The following NTRK2 variants were observed in gnomAD, a reference collection of about 807,000 sequenced individuals.
The protein encoded by NTRK2 is BDNF/NT-3 growth factors receptor.
A neutral mutation model predicts 94.5 loss-of-function variants in NTRK2; 13 were observed. The observed-to-expected ratio is 0.14, with a 90% CI of 0.09 to 0.22. The LOEUF is 0.22. Among genes scored for constraint, NTRK2 ranks in the 10% least tolerant of loss-of-function variants. NTRK2 has a pLI of 1.00. For missense variants in NTRK2, 639 were observed against 1,071.2 expected (o/e 0.60, Z 5.63); for synonymous variants, 372 against 407.4 (o/e 0.91, Z 1.05).
At chr9:84,961,295 T>C (rs1471463527) in intron 17 of NTRK2, among the ~76,000 whole-genome samples, 1 of 152,220 alleles carries the variant, frequency 6.6e-6, no homozygotes. Flanking sequence ...ACTTAGACAA[T>C]AATTCTTAGC....
At chr9:84,977,010 T>TCACAATGTAGTA (rs1347716975) in intron 17 of NTRK2, among the ~76,000 whole-genome samples, 2 of 152,238 alleles carry the variant, frequency 1.3e-5, no homozygotes, top group Non-Finnish European at 2.9e-5. Flanking sequence ...CAGTGGTTAT[T>TCACAATGTAGTA]TTCTATAAAG....
At chr9:84,863,477 T>C (rs2075427906) in intron 13 of NTRK2, among the ~76,000 whole-genome samples, 1 of 152,218 alleles carries the variant, frequency 6.6e-6, no homozygotes, top group Admixed American at 6.5e-5. Flanking sequence ...ATGAATTTCG[T>C]TTAACACACG....
chr9:84,702,121 T>G (rs781626431), intron 2 of NTRK2, 38 bp from the exon 3 acceptor site: 2 of 1,591,980 alleles, frequency 1.3e-6, no homozygotes, highest in South Asian at 2.2e-5. Context: ...GCTGCCTACA[T>G]TCTGAGTCAC....
intron 9 of NTRK2, among the ~76,000 whole-genome samples, chr9:84,733,028 TC>T (rs1037546450): frequency 1.3e-5 from 2 of 152,140 alleles, no homozygotes; most frequent in African/African-American, 4.8e-5. Flanking sequence ...TAGTCTCTTG[TC>T]CCCTAGGTGT....
At chr9:84,980,323 A>G (rs529978600) in intron 17 of NTRK2, among the ~76,000 whole-genome samples, 1 of 152,324 alleles carries the variant, frequency 6.6e-6, no homozygotes, top group South Asian at 2.1e-4. Context: ...CTGTGCAGAG[A>G]GCATGATTGT....
In NTRK2 at chr9:85,023,918, G is replaced by T. The variant is rs1290184765; in HGVS notation, c.*2481G>T. ...TAAGGGATCAAATTCAAGGAGGAAT[G>T]TGCAATTTTAGAGCAAAGATTTGTT... On this transcript the variant is annotated 3_prime_UTR_variant, in exon 19 of 19. Coordinates refer to ENST00000277120, the MANE Select transcript of NTRK2 (RefSeq NM_006180.6). 4.3e-6 allele frequency: 1 copy of T among 229,890 alleles called. No homozygotes were observed. Among genetic ancestry groups the T allele is most frequent in the Non-Finnish European group, 8.6e-6 (1 of 116,058 alleles). The allele number at this position is 229,890 out of a possible 1,614,324, so 14.2% of individuals were successfully genotyped here. A position where few individuals can be genotyped will look rare whatever the true frequency, so the allele number is the denominator to read the frequency against.
In NTRK2 at chr9:84,809,818, GT is replaced by G. The variant is rs1481084723; in HGVS notation, c.1397-51220del. On this transcript the variant is annotated intron_variant, in intron 12 of 18. Transcript: ENST00000277120. ...AATTGCTTGAACCTGGGAGGCAGAG[GT>G]TGCAGTGAGCCGAGATCTCACCACT... Among the ~76,000 whole-genome samples, 18 of 144,556 alleles carry G rather than the reference GT, an allele frequency of 1.2e-4. No individual in the cohort carries two copies. The South Asian group carries it at 4.1e-3, about 33-fold the overall frequency. 94.8% of individuals were successfully genotyped at this position (144,556 alleles called of 152,430 possible).
At chr9:84,755,525 C>CTTTTTTTTTTTTTTT (rs745611460) in intron 12 of NTRK2, among the ~76,000 whole-genome samples, 1 of 60,656 alleles carries the variant, frequency 1.6e-5, no homozygotes, top group African/African-American at 7.0e-5. Context: ...AGTCCCACCT[C>CTTTTTTTTTTTTTTT]TTTTTTTTTT....
intron 12 of NTRK2, among the ~76,000 whole-genome samples, chr9:84,789,263 T>C (rs893637201): frequency 3.3e-5 from 5 of 152,046 alleles, no homozygotes; most frequent in East Asian, 1.9e-4. Context: ...ACACCACAGA[T>C]TGGCCTCAAT....
chr9:84,822,934 A>G (rs1036915), intron 12 of NTRK2, among the ~76,000 whole-genome samples: 59,621 of 151,922 alleles, frequency 0.39, 12,419 homozygotes, highest in African/African-American at 0.54. Flanking sequence ...AGATATGCTC[A>G]TTAATTGCTG....
At chr9:84,857,917 TCACATAGGCA>T (rs1161123574) in intron 12 of NTRK2, among the ~76,000 whole-genome samples, 3 of 152,206 alleles carry the variant, frequency 2.0e-5, no homozygotes, top group Non-Finnish European at 4.4e-5. Flanking sequence ...TCCATTTTCT[TCACATAGGCA>T]CCTTGTTTGA....
At chr9:84,931,411 A>G (rs2078022731) in intron 14 of NTRK2, among the ~76,000 whole-genome samples, 2 of 149,934 alleles carry the variant, frequency 1.3e-5, no homozygotes, top group Admixed American at 1.3e-4. Context: ...TGTCTCAAAA[A>G]AAAAAAGAGA....
chr9:84,821,711 T>A (rs1382709652), intron 12 of NTRK2, among the ~76,000 whole-genome samples: 1 of 152,162 alleles, frequency 6.6e-6, no homozygotes, highest in East Asian at 1.9e-4. Context: ...TTATAAATGA[T>A]GCTGCTGATT....
intron 14 of NTRK2, chr9:84,876,407 A>C (rs1159670074): frequency 5.7e-6 from 6 of 1,053,950 alleles, no homozygotes; most frequent in Non-Finnish European, 6.9e-6. Flanking sequence ...TTATGTTTTC[A>C]TGCTCAATAC....
chr9:84,948,156 A>G (rs2078662541), intron 15 of NTRK2, among the ~76,000 whole-genome samples: 1 of 152,234 alleles, frequency 6.6e-6, no homozygotes, highest in South Asian at 2.1e-4. Context: ...AAAGCACAAC[A>G]GGCACCAACA....
chr9:84,728,778 T>C (rs1257461965), intron 9 of NTRK2, among the ~76,000 whole-genome samples: 1 of 152,082 alleles, frequency 6.6e-6, no homozygotes, highest in African/African-American at 2.4e-5. Context: ...GCATCAGGGG[T>C]CTACTCTGGG....
intron 12 of NTRK2, among the ~76,000 whole-genome samples, chr9:84,835,101 C>T (rs1203390005): frequency 6.6e-6 from 1 of 152,144 alleles, no homozygotes; most frequent in East Asian, 1.9e-4. Flanking sequence ...TTCAGGGATG[C>T]CTGCCTTAAC....
intron 14 of NTRK2, among the ~76,000 whole-genome samples, chr9:84,926,113 CCTTCCTT>C (rs2077763935): frequency 2.4e-5 from 1 of 41,176 alleles, no homozygotes; most frequent in African/African-American, 7.7e-5. Context: ...TCCTTTCCTT[CCTTCCTT>C]CCTTCCTTCC....
chr9:85,009,743 A>C (rs545466138), intron 17 of NTRK2, among the ~76,000 whole-genome samples: 1 of 152,194 alleles, frequency 6.6e-6, no homozygotes, highest in South Asian at 2.1e-4. Flanking sequence ...TATGTGTTAC[A>C]TATATCAGAG....
Sources: allele counts gnomAD v4.1 joint callset (sites outside exome capture counted in the v4.1 genomes callset), GRCh38; gene constraint gnomAD v4.1.1; transcripts MANE v1.5; gene names NCBI Gene and HGNC (gene_info 2026-07-23, HGNC 2026-07-21).